Variants in HPSE2 observed in about 807,000 individuals in gnomAD.
The protein encoded by HPSE2 is inactive heparanase-2.
A neutral mutation model predicts 60.5 loss-of-function variants in HPSE2; 38 were observed. That is an observed-to-expected ratio of 0.63 (90% confidence interval 0.48 to 0.82). The LOEUF (loss-of-function observed/expected upper bound fraction) is 0.82. Among genes scored for constraint, HPSE2 ranks in the 40% least tolerant of loss-of-function variants. HPSE2 has a pLI of 0.00. For missense variants in HPSE2, 713 were observed against 740.4 expected (o/e 0.96, Z 0.43); for synonymous variants, 295 against 293.2 (o/e 1.01, Z -0.06).
intron 2 of HPSE2, among the ~76,000 whole-genome samples, chr10:99,191,950 C>G (rs1848236534): frequency 6.6e-6 from 1 of 151,980 alleles, no homozygotes; most frequent in African/African-American, 2.4e-5. Context: ...TAAAAAGTAG[C>G]AGAAAATCTG....
rs1301774352 is a variant in HPSE2, at chr10:98,614,927, C to T, written c.1297G>A (p.Asp433Asn). The T allele has an allele frequency of 2.5e-6, 4 of 1,613,266 alleles. No individual in the cohort carries two copies. In the South Asian group the frequency reaches 3.3e-5, roughly 13 times the overall value. ...FFDHGYNHLV[D>N]QNFNPLPDYW... ...ACTGGTAATGGGTTAAAATTCTGGT[C>T]CACGAGGTGATTGTATCCATGGTCA... The change falls in exon 9 of 12, where the codon GAC becomes AAC. Residue 433 changes from aspartate to asparagine, a missense_variant. Physicochemically the swap from Asp to Asn is conservative, Grantham distance 23. Transcript: ENST00000370552.
At chr10:99,072,028 T>G (rs866993372) in intron 3 of HPSE2, among the ~76,000 whole-genome samples, 468 of 41,130 alleles carry the variant, frequency 0.011, 2 homozygotes, top group African/African-American at 0.019. Context: ...TTTGTTTGTT[T>G]TTTTTTTTTT....
chr10:98,570,450 G>T (rs1944462979), intron 9 of HPSE2, among the ~76,000 whole-genome samples: 1 of 34,860 alleles, frequency 2.9e-5, no homozygotes, highest in East Asian at 8.6e-3. Context: ...TGTTTTTGTG[G>T]ATTTTTTTTT....
intron 3 of HPSE2, among the ~76,000 whole-genome samples, chr10:99,019,255 C>T (rs981819616): frequency 6.6e-6 from 1 of 152,138 alleles, no homozygotes; most frequent in Admixed American, 6.5e-5. Flanking sequence ...CCATGTGATT[C>T]AGCATAACGA....
At chr10:98,469,155 T>C (rs1055794679) in intron 11 of HPSE2, among the ~76,000 whole-genome samples, 3 of 152,174 alleles carry the variant, frequency 2.0e-5, no homozygotes, top group African/African-American at 7.2e-5. Flanking sequence ...TACCATGTGC[T>C]TCTAATGGCT....
intron 5 of HPSE2, among the ~76,000 whole-genome samples, chr10:98,717,316 T>A (rs905669458): frequency 6.6e-6 from 1 of 152,148 alleles, no homozygotes; most frequent in East Asian, 1.9e-4. Context: ...CACTTTCTTA[T>A]CATTCTTGTG....
chr10:98,803,858 G>T (rs1239441079), intron 3 of HPSE2, among the ~76,000 whole-genome samples: 7 of 151,950 alleles, frequency 4.6e-5, no homozygotes, highest in African/African-American at 1.7e-4. Flanking sequence ...ATTCTGTGAA[G>T]AAAGTCATTG....
At chr10:99,243,233 G>T in the HPSE2 span, among the ~76,000 whole-genome samples, 1 of 151,816 alleles carries the variant, frequency 6.6e-6, no homozygotes, top group Non-Finnish European at 1.5e-5. Context: ...CATGCCTATA[G>T]TCCCAGCTAC....
intron 8 of HPSE2, among the ~76,000 whole-genome samples, chr10:98,618,731 C>T (rs983133704): frequency 5.3e-5 from 8 of 152,158 alleles, no homozygotes; most frequent in African/African-American, 1.9e-4. Context: ...CGCATGCCAC[C>T]ATGCCCGGCT....
intron 9 of HPSE2, among the ~76,000 whole-genome samples, chr10:98,512,332 A>C (rs1447264255): frequency 6.6e-6 from 1 of 152,224 alleles, no homozygotes; most frequent in Non-Finnish European, 1.5e-5. Context: ...CTGTAATCCC[A>C]GCACTTTGGG....
chr10:99,064,216 T>TTATTTAAATATTTAAATATTTAAA (rs1410526281), intron 3 of HPSE2, among the ~76,000 whole-genome samples: 2 of 152,136 alleles, frequency 1.3e-5, no homozygotes, highest in Non-Finnish European at 2.9e-5. Context: ...TTTATGTATT[T>TTATTTAAATATTTAAATATTTAAA]TATTTAAATA....
chr10:98,486,616 C>G lies in HPSE2; in HGVS notation c.1466+3435G>C, dbSNP rs141550799. Among the ~76,000 whole-genome samples, 528 of 152,190 alleles carry G rather than the reference C, an allele frequency of 3.5e-3. 2 individuals are homozygous for G. Among genetic ancestry groups the G allele is most frequent in the African/African-American group, 0.012 (510 of 41,520 alleles). On this transcript the variant is annotated intron_variant, in intron 10 of 11. Coordinates refer to ENST00000370552, the MANE Select transcript of HPSE2 (RefSeq NM_021828.5). Reference sequence around the variant, plus strand: ...GTGGGGAATGTCATATGGGGAGGTGCATCTTGACTTCCAGATAGAAAACAG... The same window carrying G: ...GTGGGGAATGTCATATGGGGAGGTGGATCTTGACTTCCAGATAGAAAACAG...
At chr10:98,801,337 T>C (rs1333421506) in intron 3 of HPSE2, among the ~76,000 whole-genome samples, 1 of 151,876 alleles carries the variant, frequency 6.6e-6, no homozygotes, top group Non-Finnish European at 1.5e-5. Context: ...TTATTTAACA[T>C]AGTACTGGAA....
chr10:98,546,602 T>G lies in HPSE2; in HGVS notation c.1321-56406A>C, dbSNP rs1176894873. ...GTGCTGGGAAAACTGGCTAGCCATA[T>G]GTAGAAAGCTGAAACTGGATCCCTT... On this transcript the variant is annotated intron_variant, in intron 9 of 11. Transcript: ENST00000370552. Among the ~76,000 whole-genome samples, 8 of 151,298 alleles carry G rather than the reference T, an allele frequency of 5.3e-5. No homozygotes were observed. The South Asian group carries it at 1.2e-3, about 24-fold the overall frequency.
intron 4 of HPSE2, among the ~76,000 whole-genome samples, chr10:98,728,718 A>T (rs928817890): frequency 4.5e-4 from 68 of 152,200 alleles, no homozygotes; most frequent in African/African-American, 1.6e-3. Context: ...TAAGAAAATA[A>T]CAAAACAGGG....
intron 3 of HPSE2, among the ~76,000 whole-genome samples, chr10:99,047,201 G>A (rs969598585): frequency 2.0e-5 from 3 of 152,174 alleles, no homozygotes; most frequent in Non-Finnish European, 4.4e-5. Context: ...TGACAAGGCT[G>A]ACAAAAACAA....
At chr10:98,896,153 G>A (rs927462837) in intron 3 of HPSE2, among the ~76,000 whole-genome samples, 3 of 151,410 alleles carry the variant, frequency 2.0e-5, no homozygotes, top group African/African-American at 7.3e-5. Context: ...CCCTTGCAAC[G>A]AGATACCATT....
chr10:98,726,662 T>TAAC (rs1244424710), intron 4 of HPSE2, among the ~76,000 whole-genome samples: 2 of 128,616 alleles, frequency 1.6e-5, no homozygotes, highest in African/African-American at 5.7e-5. Flanking sequence ...ATAATAATAA[T>TAAC]AATAAAAGAA....
At chr10:98,611,553 T>C (rs1945759086) in intron 9 of HPSE2, among the ~76,000 whole-genome samples, 1 of 152,252 alleles carries the variant, frequency 6.6e-6, no homozygotes, top group South Asian at 2.1e-4. Flanking sequence ...CAAGTTTTTA[T>C]TGGCAGTGTT....
Sources: gnomAD v4.1 joint callset for allele counts (sites outside exome capture counted in the v4.1 genomes callset) on GRCh38, gnomAD v4.1.1 for gene constraint, MANE v1.5 for transcripts, NCBI Gene and HGNC (gene_info 2026-07-23, HGNC 2026-07-21) for gene names.